AGAP1: variants seen among roughly 807,000 people sequenced by gnomAD.
AGAP1 encodes ArfGAP with GTPase domain, ankyrin repeat and PH domain 1, also known as arf-GAP with GTPase, ANK repeat and PH domain-containing protein 1.
In AGAP1, 29 loss-of-function variants were observed where a neutral mutation model predicts 105.3. The ratio of observed to expected loss-of-function variants is 0.28; its 90% CI spans 0.21 to 0.38. The LOEUF (loss-of-function observed/expected upper bound fraction) is 0.38. Ranked by LOEUF, AGAP1 falls within the 10% of genes least tolerant of loss-of-function variation. AGAP1 has a pLI of 1.00. For missense variants in AGAP1, 998 were observed against 1,165.1 expected, an observed-to-expected ratio of 0.86 and a Z score of 2.09; for synonymous variants, 509 against 485.9, an observed-to-expected ratio of 1.05 and a Z score of -0.63.
At chr2:235,856,968 A>C (rs1428439843) in intron 9 of AGAP1, among the ~76,000 whole-genome samples, 1 of 152,232 alleles carries the variant, frequency 6.6e-6, no homozygotes, top group Non-Finnish European at 1.5e-5. Context: ...GTAGGGAAAC[A>C]TGAAGACACA....
intron 1 of AGAP1, among the ~76,000 whole-genome samples, chr2:235,543,584 G>A (rs557006257): frequency 6.6e-6 from 1 of 152,164 alleles, no homozygotes; most frequent in Non-Finnish European, 1.5e-5. Flanking sequence ...GTGTTTCCCC[G>A]GCCTCTCCCC....
chr2:236,107,631 A>G (rs1362907160), intron 16 of AGAP1, among the ~76,000 whole-genome samples: 1 of 152,176 alleles, frequency 6.6e-6, no homozygotes, highest in Non-Finnish European at 1.5e-5. Flanking sequence ...TTTGGGGACA[A>G]GACTAAGCTC....
intron 16 of AGAP1, among the ~76,000 whole-genome samples, chr2:236,068,004 G>A (rs1411310965): frequency 6.6e-6 from 1 of 152,208 alleles, no homozygotes. Context: ...GGGTGTGGTG[G>A]CTCACACCTG....
At chr2:236,025,670 G>A (rs2057027143) in intron 13 of AGAP1, among the ~76,000 whole-genome samples, 1 of 152,160 alleles carries the variant, frequency 6.6e-6, no homozygotes, top group Non-Finnish European at 1.5e-5. Context: ...GCACATAGGA[G>A]ATCACCACCA....
At position 235,908,692 on chromosome 2, in the gene AGAP1, C is replaced by CT. The variant is rs8178997; in HGVS notation, c.1156-32dup. ...CCTTTTGTTCTAGGTTGTAAAAGGT[C>CT]TTTTTTTTTTTTTTATCTCTCTTGG... On this transcript the variant is annotated intron_variant, in intron 10 of 17. Transcript: ENST00000304032. The surrounding 1 kb of genome is among the most constrained non-coding windows in gnomAD (Gnocchi z 4.4). 19,540 of 1,354,270 alleles carry CT rather than the reference C, an allele frequency of 0.014. 42 individuals are homozygous for CT. Among genetic ancestry groups the CT allele is most frequent in the African/African-American group, 0.049 (3,308 of 67,516 alleles). 83.9% of individuals were successfully genotyped at this position (1,354,270 alleles called of 1,614,324 possible).
chr2:235,763,271 T>G (rs1413088082), intron 6 of AGAP1, among the ~76,000 whole-genome samples: 2 of 152,060 alleles, frequency 1.3e-5, no homozygotes, highest in African/African-American at 4.8e-5. Flanking sequence ...GGTTTTCAGT[T>G]TAGGGATGCT....
intron 11 of AGAP1, among the ~76,000 whole-genome samples, chr2:235,924,829 C>A (rs1219498499): frequency 6.6e-6 from 1 of 152,226 alleles, no homozygotes; most frequent in East Asian, 1.9e-4. Context: ...TCCCAGACAG[C>A]AAACAGATGT....
chr2:235,886,615 G>T (rs747551526), intron 10 of AGAP1, among the ~76,000 whole-genome samples: 12 of 152,206 alleles, frequency 7.9e-5, no homozygotes, highest in Non-Finnish European at 1.3e-4. Flanking sequence ...GCGCAATGGG[G>T]CTTTGTTGTA....
At chr2:235,572,461 T>TC (rs1040398306) in intron 1 of AGAP1, among the ~76,000 whole-genome samples, 8 of 151,934 alleles carry the variant, frequency 5.3e-5, no homozygotes, top group Non-Finnish European at 8.8e-5. Flanking sequence ...CCACCACCCT[T>TC]CCCCCGCAGG....
At position 235,700,141 on chromosome 2, in the gene AGAP1, A is replaced by C. The variant is rs1403416226; in HGVS notation, c.164-9038A>C. Among the ~76,000 whole-genome samples the C allele has an allele frequency of 6.6e-6, 1 of 152,180 alleles. No homozygotes were observed. Among genetic ancestry groups the C allele is most frequent in the Non-Finnish European group, 1.5e-5 (1 of 68,038 alleles). The stretch of plus-strand genomic sequence containing the variant: ...TAACAGTGAGATGGAAACGGGATGG[A>C]ATTGGGGCATGGGTTTCAGGACTAT... On this transcript the variant is annotated intron_variant, in intron 1 of 17. Coordinates refer to ENST00000304032, the MANE Select transcript of AGAP1 (RefSeq NM_001037131.3). The surrounding 1 kb of genome is among the most constrained non-coding windows in gnomAD (Gnocchi z 6.1).
In AGAP1 at chr2:236,061,729, C is replaced by T. The variant is rs1021296383; in HGVS notation, c.2114+12448C>T. Among the ~76,000 whole-genome samples, 22 of 151,892 alleles carry T rather than the reference C, an allele frequency of 1.4e-4. No individual in the cohort carries two copies. The highest frequency in any genetic ancestry group is 8.5e-4 in the Admixed American group (13 of 15,248). ...GGCAGTGGCGTATACGGAGTGATTG[C>T]CTAATGAGTACGAAACTTCTTTTGG... On this transcript the variant is annotated intron_variant, in intron 16 of 17. Transcript: ENST00000304032. The surrounding 1 kb of genome is among the most constrained non-coding windows in gnomAD (Gnocchi z 4.1).
intron 1 of AGAP1, among the ~76,000 whole-genome samples, chr2:235,563,488 G>A (rs1037955469): frequency 4.6e-5 from 7 of 151,466 alleles, no homozygotes; most frequent in Non-Finnish European, 1.0e-4. Context: ...GGAAAGTAAT[G>A]TGTTAATTGG....
At chr2:235,941,950 T>A (rs997581538) in intron 12 of AGAP1, among the ~76,000 whole-genome samples, 1 of 152,162 alleles carries the variant, frequency 6.6e-6, no homozygotes, top group African/African-American at 2.4e-5. Flanking sequence ...TAAAAAGGTT[T>A]GCCCGTGATC....
In AGAP1 at chr2:235,614,763, A is replaced by G. The variant is rs960224948; in HGVS notation, c.164-94416A>G. On this transcript the variant is annotated intron_variant, in intron 1 of 17. Transcript: ENST00000304032. The surrounding 1 kb of genome is among the most constrained non-coding windows in gnomAD (Gnocchi z 4.7). ...TTCACCGTGAATTCTTTTGTGGGAA[A>G]TAGAACACAGCGTTGGGTACCAAGA... Among the ~76,000 whole-genome samples, 1 of 152,214 alleles carries G rather than the reference A, an allele frequency of 6.6e-6. No homozygotes were observed. The highest frequency in any genetic ancestry group is 2.4e-5 in the African/African-American group (1 of 41,454).
At chr2:235,748,478 C>A (rs895521316) in intron 5 of AGAP1, among the ~76,000 whole-genome samples, 2 of 152,168 alleles carry the variant, frequency 1.3e-5, no homozygotes, top group African/African-American at 4.8e-5. Context: ...ATTTACTAAT[C>A]AGCAAGACAA....
At chr2:236,037,669 G>T (rs2057423984) in intron 14 of AGAP1, among the ~76,000 whole-genome samples, 1 of 152,182 alleles carries the variant, frequency 6.6e-6, no homozygotes, top group Non-Finnish European at 1.5e-5. Flanking sequence ...CAGACACCCA[G>T]AGTCCTGGGA....
At chr2:235,651,351 A>G (rs757948989) in intron 1 of AGAP1, among the ~76,000 whole-genome samples, 6 of 152,110 alleles carry the variant, frequency 3.9e-5, no homozygotes, top group Non-Finnish European at 7.4e-5. Context: ...TCCATCAGCA[A>G]TGTTCTTAAC....
Position 236,045,976 on chromosome 2 carries a change from G to C in AGAP1, c.1892-3083G>C. On this transcript the variant is annotated intron_variant, in intron 15 of 17. Coordinates refer to ENST00000304032, the MANE Select transcript of AGAP1 (RefSeq NM_001037131.3). The surrounding 1 kb of genome is among the most constrained non-coding windows in gnomAD (Gnocchi z 6.9). ...AGTCCGGCACAGGAATGTGTCCCACGCATGAATGTCGTCCTTCAGATCTGG... is the reference window on the plus strand; with the variant it reads ...AGTCCGGCACAGGAATGTGTCCCACCCATGAATGTCGTCCTTCAGATCTGG... 2.1e-6 allele frequency: 1 copy of C among 471,734 alleles called. No homozygotes were observed. The highest frequency in any genetic ancestry group is 3.2e-4 in the Middle Eastern group (1 of 3,084). The allele number at this position is 471,734 out of a possible 1,614,324, so 29.2% of individuals were successfully genotyped here. A position where few individuals can be genotyped will look rare whatever the true frequency, so the allele number is the denominator to read the frequency against.
intron 9 of AGAP1, among the ~76,000 whole-genome samples, chr2:235,876,318 A>G (rs1361334816): frequency 2.0e-5 from 3 of 152,222 alleles, no homozygotes; most frequent in Non-Finnish European, 1.5e-5. Flanking sequence ...AATGATTCTC[A>G]GGAAAAATTG....
Sources: allele counts gnomAD v4.1 joint callset (sites outside exome capture counted in the v4.1 genomes callset), GRCh38; gene constraint gnomAD v4.1.1; non-coding constraint Gnocchi (gnomAD v3.1); transcripts MANE v1.5; gene names NCBI Gene and HGNC (gene_info 2026-07-23, HGNC 2026-07-21).